Variants in UGGT2 observed in about 807,000 individuals in gnomAD.
The protein encoded by UGGT2 is UDP-glucose glycoprotein glucosyltransferase 2.
A neutral mutation model predicts 192.1 loss-of-function variants in UGGT2; 180 were observed. The observed-to-expected ratio is 0.94, with a 90% CI of 0.83 to 1.06. The LOEUF is 1.06. Among genes scored for constraint, UGGT2 ranks in the 50% least tolerant of loss-of-function variants. UGGT2 has a pLI of 0.00. For synonymous variants in UGGT2, 580 were observed against 591.0 expected, an observed-to-expected ratio of 0.98 and a Z score of 0.27; for missense variants, 1,849 against 1,795.7, an observed-to-expected ratio of 1.03 and a Z score of -0.54.
At position 95,970,244 on chromosome 13, in the gene UGGT2, T is replaced by C; in HGVS notation, c.1203A>G (p.Lys401=). 6.2e-7 allele frequency: 1 copy of C among 1,612,576 alleles called. No homozygotes were observed. ...YDAFSILDML[K]LEGKMMNGLR... is the part of the protein sequence containing the mutation. ...GGCCATTCATCATTTTTCCTTCTAA[T>C]TTCAGCATATCCAAAATACTATATA... Residue 401 remains lysine (K), a synonymous_variant, in exon 12 of 39, where the codon AAA becomes AAG. Transcript: ENST00000376747.
intron 38 of UGGT2, among the ~76,000 whole-genome samples, chr13:95,817,860 C>T (rs1885068619): frequency 1.3e-5 from 2 of 151,812 alleles, no homozygotes; most frequent in South Asian, 4.2e-4. Flanking sequence ...GAAATTGATA[C>T]CAAAATTAGG....
intron 38 of UGGT2, 106 bp downstream of exon 38, chr13:95,832,820 GA>G: frequency 6.7e-7 from 1 of 1,501,976 alleles, no homozygotes; most frequent in Non-Finnish European, 9.1e-7. Context: ...CTTTCTTAAA[GA>G]AATTCTTAAT....
intron 27 of UGGT2, 38 bp downstream of exon 27, chr13:95,884,453 G>A (rs764594644): frequency 4.1e-6 from 6 of 1,470,476 alleles, no homozygotes; most frequent in African/African-American, 1.4e-5. Context: ...AATTTATCCT[G>A]TTTCTCTCTC....
intron 36 of UGGT2, among the ~76,000 whole-genome samples, chr13:95,850,220 C>T (rs1039952230): frequency 6.6e-6 from 1 of 151,988 alleles, no homozygotes. Context: ...TCTTTCTGTA[C>T]AAACTGAATA....
chr13:95,930,389 T>C (rs1342154656), intron 17 of UGGT2, among the ~76,000 whole-genome samples: 1 of 151,812 alleles, frequency 6.6e-6, no homozygotes, highest in African/African-American at 2.4e-5. Flanking sequence ...CTAGAATTCT[T>C]ATAGTTTTAA....
chr13:96,053,172 C>T lies in UGGT2; in HGVS notation c.141G>A (p.Pro47=), dbSNP rs1353326125. ...AHLAAKWPET[P]LLLEASEFMA... ...GCACCCACCTTGCCTCCAGCAGCAG[C>T]GGGGTCTCGGGCCACTTCGCGGCCA... is the stretch of plus-strand genomic sequence containing the variant. The change falls in exon 1 of 39, where the codon CCG becomes CCA. Residue 47 remains proline (P), a synonymous_variant. Transcript: ENST00000376747. 1 of 1,513,754 alleles carries T rather than the reference C, an allele frequency of 6.6e-7. No individual in the cohort carries two copies. The highest frequency in any genetic ancestry group is 8.8e-7 in the Non-Finnish European group (1 of 1,136,168). 93.8% of individuals were successfully genotyped at this position (1,513,754 alleles called of 1,614,324 possible).
intron 38 of UGGT2, among the ~76,000 whole-genome samples, chr13:95,802,052 A>G (rs187627144): frequency 2.0e-5 from 3 of 152,288 alleles, no homozygotes; most frequent in Admixed American, 6.5e-5. Flanking sequence ...CCATGAGTCT[A>G]TGAGGACAAG....
At chr13:95,984,591 A>G (rs1265412863) in intron 9 of UGGT2, among the ~76,000 whole-genome samples, 1 of 151,992 alleles carries the variant, frequency 6.6e-6, no homozygotes, top group Non-Finnish European at 1.5e-5. Context: ...CCACCTCCCA[A>G]AGTGCTGAAA....
chr13:95,924,083 G>A (rs1011172406), intron 20 of UGGT2, among the ~76,000 whole-genome samples: 7 of 152,102 alleles, frequency 4.6e-5, no homozygotes, highest in Non-Finnish European at 1.0e-4. Flanking sequence ...TTGTCATCAT[G>A]ATTATTGCAC....
intron 10 of UGGT2, among the ~76,000 whole-genome samples, chr13:95,974,725 C>A (rs1449157223): frequency 6.6e-6 from 1 of 152,108 alleles, no homozygotes; most frequent in Non-Finnish European, 1.5e-5. Flanking sequence ...CAATTTCTAG[C>A]AACATGATGA....
In UGGT2 at chr13:95,927,321, G is replaced by C; in HGVS notation, c.1993C>G (p.Arg665Gly). ...ATTAGAAAATCAATTGCATTCGTGCGATCATTTAATGTGCCCTAAAAAAAC... is the reference window on the plus strand; with the variant it reads ...ATTAGAAAATCAATTGCATTCGTGCCATCATTTAATGTGCCCTAAAAAAAC... ...REVFLGTLND[R>G]TNAIDFLMDR... The change falls in exon 18 of 39, where the codon CGC (arginine) becomes GGC (glycine). Residue 665 changes from arginine to glycine, a missense_variant. Transcript: ENST00000376747. 1 of 1,604,912 alleles carries C rather than the reference G, an allele frequency of 6.2e-7. No homozygotes were observed.
chr13:96,021,178 G>A (rs564393553), intron 4 of UGGT2, among the ~76,000 whole-genome samples: 18 of 152,286 alleles, frequency 1.2e-4, no homozygotes, highest in Admixed American at 3.3e-4. Flanking sequence ...ACAACCCTGA[G>A]AAATGGCCCA....
intron 29 of UGGT2, among the ~76,000 whole-genome samples, chr13:95,872,192 T>C (rs1264371954): frequency 2.0e-5 from 3 of 152,100 alleles, no homozygotes; most frequent in Admixed American, 2.0e-4. Flanking sequence ...TACAAAGAAA[T>C]AAAGGAGAAT....
intron 38 of UGGT2, among the ~76,000 whole-genome samples, chr13:95,813,368 C>G (rs1594055701): frequency 6.6e-6 from 1 of 152,182 alleles, no homozygotes; most frequent in East Asian, 1.9e-4. Context: ...TATGCTTTAA[C>G]AAAGAACTTG....
chr13:95,999,434 G>A, intron 5 of UGGT2, 127 bp from the exon 6 acceptor site: 1 of 796,270 alleles, frequency 1.3e-6, no homozygotes, highest in South Asian at 1.9e-5. Flanking sequence ...TAATCACTCT[G>A]AAAAATTTGG....
chr13:96,027,557 A>C (rs1336701418), intron 2 of UGGT2, among the ~76,000 whole-genome samples: 2 of 152,172 alleles, frequency 1.3e-5, no homozygotes, highest in African/African-American at 4.8e-5. Flanking sequence ...AATCACTCTT[A>C]TTAAAAAAAA....
chr13:96,023,000 C>T (rs760319877), intron 4 of UGGT2, 40 bp downstream of exon 4: 9 of 1,486,990 alleles, frequency 6.1e-6, no homozygotes, highest in Non-Finnish European at 8.2e-6. Flanking sequence ...ACTCTCCTCT[C>T]TATAACCACT....
At chr13:96,042,514 A>G (rs1389152365) in intron 1 of UGGT2, among the ~76,000 whole-genome samples, 2 of 152,138 alleles carry the variant, frequency 1.3e-5, no homozygotes, top group Admixed American at 1.3e-4. Context: ...CCAAACTAAG[A>G]TGAAATGCCT....
chr13:95,999,338 G>A (rs765301782), intron 5 of UGGT2, 31 bp from the exon 6 acceptor site: 10 of 1,590,808 alleles, frequency 6.3e-6, no homozygotes, highest in East Asian at 4.5e-5. Context: ...TATAAAAAGC[G>A]AAAAGAGTTA....
Sources: allele counts gnomAD v4.1 joint callset (sites outside exome capture counted in the v4.1 genomes callset), GRCh38; gene constraint gnomAD v4.1.1; transcripts MANE v1.5; gene names NCBI Gene and HGNC (gene_info 2026-07-23, HGNC 2026-07-21).